Variants in CDH12 observed in about 807,000 individuals in gnomAD.
CDH12 encodes cadherin-12.
CDH12 carries 41 observed loss-of-function variants against 74.1 expected under a neutral mutation model. The ratio of observed to expected loss-of-function variants is 0.55; its 90% confidence interval spans 0.43 to 0.72. The LOEUF (loss-of-function observed/expected upper bound fraction) is 0.72, where lower values mean the gene tolerates loss of function less well. Among genes scored for constraint, CDH12 ranks in the 30% least tolerant of loss-of-function variants. The probability of loss-of-function intolerance (pLI) is 0.00; values close to 1 mark genes in which losing one functional copy is unlikely to be tolerated. For synonymous variants in CDH12, 399 were observed against 355.0 expected, an observed-to-expected ratio of 1.12 and a Z score of -1.39; for missense variants, 945 against 977.2, an observed-to-expected ratio of 0.97 and a Z score of 0.44.
At chr5:22,640,132 C>G (rs1739069849) in intron 1 of CDH12, among the ~76,000 whole-genome samples, 1 of 152,134 alleles carries the variant, frequency 6.6e-6, no homozygotes, top group Non-Finnish European at 1.5e-5. Flanking sequence ...ACCATATCTT[C>G]ATTTCTCTGA....
intron 4 of CDH12, among the ~76,000 whole-genome samples, chr5:22,206,855 G>A (rs1751250321): frequency 6.6e-6 from 1 of 151,054 alleles, no homozygotes; most frequent in South Asian, 2.1e-4. Flanking sequence ...TGAGTGTGAG[G>A]AAATAAAAAT....
At chr5:21,837,467 GGTT>G (rs1337914847) in intron 8 of CDH12, among the ~76,000 whole-genome samples, 41 of 124,994 alleles carry the variant, frequency 3.3e-4, no homozygotes, top group African/African-American at 1.4e-3. Flanking sequence ...TCTGGAGAAA[GGTT>G]TTTTTTTTTT....
intron 4 of CDH12, among the ~76,000 whole-genome samples, chr5:22,147,635 T>C (rs1200708610): frequency 6.7e-6 from 1 of 149,342 alleles, no homozygotes; most frequent in East Asian, 2.0e-4. Context: ...TTCCACGTGG[T>C]TGGGGAGGCC....
At chr5:22,268,007 C>T (rs1310432163) in intron 3 of CDH12, among the ~76,000 whole-genome samples, 1 of 152,134 alleles carries the variant, frequency 6.6e-6, no homozygotes, top group Non-Finnish European at 1.5e-5. Flanking sequence ...ATCAATTCAG[C>T]ATTTTACAGG....
At chr5:22,007,077 T>C (rs561408835) in intron 5 of CDH12, among the ~76,000 whole-genome samples, 142 of 152,224 alleles carry the variant, frequency 9.3e-4, no homozygotes, top group Middle Eastern at 3.4e-3. Context: ...TGCATTCAAG[T>C]CACTAAATTA....
rs546358122 is a variant in CDH12 at position 22,377,277 on chromosome 5, T to C, written c.-333+27980A>G. Among the ~76,000 whole-genome samples the C allele has an allele frequency of 5.3e-5, 8 of 152,254 alleles. No individual in the cohort carries two copies. The South Asian group carries it at 1.7e-3, about 32-fold the overall frequency. ...GTGTAGAAAAACTTACATATTACAG[T>C]GTACGTATTGGTTCAAGAAAATAGA... On this transcript the variant is annotated intron_variant, in intron 3 of 14. Coordinates refer to ENST00000382254, the MANE Select transcript of CDH12 (RefSeq NM_004061.5).
At chr5:22,372,107 G>T (rs1264917171) in intron 3 of CDH12, among the ~76,000 whole-genome samples, 1 of 152,176 alleles carries the variant, frequency 6.6e-6, no homozygotes, top group Non-Finnish European at 1.5e-5. Flanking sequence ...AGTTCAGAGT[G>T]GCTGGTGTAC....
intron 3 of CDH12, among the ~76,000 whole-genome samples, chr5:22,397,461 T>G (rs1018152057): frequency 3.3e-5 from 5 of 151,922 alleles, no homozygotes; most frequent in South Asian, 2.1e-4. Context: ...TCCAGGTTTT[T>G]TTTTTTTTTT....
At chr5:22,080,753 T>G (rs1742668585) in intron 4 of CDH12, among the ~76,000 whole-genome samples, 1 of 152,082 alleles carries the variant, frequency 6.6e-6, no homozygotes, top group Admixed American at 6.6e-5. Context: ...TACACATTAT[T>G]AAAATTAATT....
At chr5:22,019,820 C>A (rs975254700) in intron 5 of CDH12, among the ~76,000 whole-genome samples, 2 of 152,124 alleles carry the variant, frequency 1.3e-5, no homozygotes, top group East Asian at 3.9e-4. Flanking sequence ...ATTAATGATG[C>A]CTTGAGCTCA....
intron 4 of CDH12, 72 bp from the exon 5 acceptor site, chr5:22,078,934 A>G (rs1409021872): frequency 2.8e-6 from 2 of 709,522 alleles, no homozygotes; most frequent in Non-Finnish European, 3.8e-6. Flanking sequence ...AACGCTCATT[A>G]TATCTGCCAA....
At chr5:22,364,569 T>G (rs1248780865) in intron 3 of CDH12, among the ~76,000 whole-genome samples, 1 of 151,984 alleles carries the variant, frequency 6.6e-6, no homozygotes, top group Non-Finnish European at 1.5e-5. Context: ...GAAAAATAAG[T>G]GAAGGAGAAT....
At chr5:22,084,673 A>G (rs1294754291) in intron 4 of CDH12, among the ~76,000 whole-genome samples, 1 of 152,164 alleles carries the variant, frequency 6.6e-6, no homozygotes, top group Non-Finnish European at 1.5e-5. Flanking sequence ...GAACAGATGA[A>G]CCAATGTTAT....
At chr5:22,623,431 A>G (rs1025868401) in intron 1 of CDH12, among the ~76,000 whole-genome samples, 3 of 152,192 alleles carry the variant, frequency 2.0e-5, no homozygotes, top group African/African-American at 7.2e-5. Context: ...TCTCAACCCA[A>G]AATCTCCTTA....
chr5:22,046,430 C>CTTTTTTTTTTTTTTTTTTTTTTTTTTT (rs11323330), intron 5 of CDH12, among the ~76,000 whole-genome samples: 1 of 100,420 alleles, frequency 1.0e-5, no homozygotes, highest in African/African-American at 4.3e-5. Context: ...CATTTAATTT[C>CTTTTTTTTTTTTTTTTTTTTTTTTTTT]TTTTTTTTTT....
At chr5:22,522,966 T>C (rs1343650080) in intron 1 of CDH12, among the ~76,000 whole-genome samples, 2 of 152,146 alleles carry the variant, frequency 1.3e-5, no homozygotes, top group Non-Finnish European at 2.9e-5. Context: ...AACTTTGCCA[T>C]CCACTCAGAC....
chr5:22,685,398 C>T (rs747626206), intron 1 of CDH12, among the ~76,000 whole-genome samples: 7 of 152,016 alleles, frequency 4.6e-5, no homozygotes, highest in Non-Finnish European at 1.0e-4. Flanking sequence ...CCACCATGCC[C>T]GGCTAATTTT....
chr5:22,391,036 A>G (rs1742226989), intron 3 of CDH12, among the ~76,000 whole-genome samples: 1 of 152,242 alleles, frequency 6.6e-6, no homozygotes, highest in African/African-American at 2.4e-5. Context: ...CTAGGATTAG[A>G]GTTGTGTCCT....
At chr5:21,765,330 G>A (rs1053779888) in intron 11 of CDH12, among the ~76,000 whole-genome samples, 7 of 152,050 alleles carry the variant, frequency 4.6e-5, no homozygotes, top group Non-Finnish European at 1.5e-5. Flanking sequence ...TAGCATAAGT[G>A]TAGCCCTTTC....
Sources: gnomAD v4.1 joint callset for allele counts (sites outside exome capture counted in the v4.1 genomes callset) on GRCh38, gnomAD v4.1.1 for gene constraint, MANE v1.5 for transcripts, NCBI Gene and HGNC (gene_info 2026-07-23, HGNC 2026-07-21) for gene names.